CYFIP1: variants seen among roughly 807,000 people sequenced by gnomAD.
CYFIP1 encodes the protein cytoplasmic FMR1 interacting protein 1.
CYFIP1 carries 58 observed loss-of-function variants against 163.5 expected under a neutral mutation model. That is an observed-to-expected ratio of 0.35 (90% confidence interval 0.29 to 0.44). The LOEUF is 0.44. CYFIP1 is among the 20% of genes least tolerant of loss of function. CYFIP1 has a pLI of 1.00. For missense variants in CYFIP1, 1,338 were observed against 1,653.8 expected (o/e 0.81, Z 3.31); for synonymous variants, 663 against 660.7 (o/e 1.00, Z -0.05).
chr15:22,976,162 C>CA (rs2063270000), intron 1 of CYFIP1, among the ~76,000 whole-genome samples: 1 of 144,414 alleles, frequency 6.9e-6, no homozygotes, highest in African/African-American at 2.5e-5. Context: ...ATTTAATTTT[C>CA]TTTTTTTTTT....
At chr15:22,935,959 T>C (rs946348815) in intron 9 of CYFIP1, among the ~76,000 whole-genome samples, 2 of 152,128 alleles carry the variant, frequency 1.3e-5, no homozygotes, top group Non-Finnish European at 2.9e-5. Flanking sequence ...GTAGGCCTCT[T>C]AGGGGAGAAT....
At position 22,867,711 on chromosome 15, in the gene CYFIP1, G is replaced by A. The variant is rs903200802; in HGVS notation, c.*2317C>T. ...AATTTAGCTCATGTTATAATAAAAAGTTGAAATGAAGTTCTTATTCTAAAA... is the reference window on the plus strand; with the variant it reads ...AATTTAGCTCATGTTATAATAAAAAATTGAAATGAAGTTCTTATTCTAAAA... On this transcript the variant is annotated 3_prime_UTR_variant, in exon 31 of 31. Coordinates refer to ENST00000617928, the MANE Select transcript of CYFIP1 (RefSeq NM_014608.6). 1 of 152,250 alleles carries A rather than the reference G, an allele frequency of 6.6e-6. No homozygotes were observed. Among genetic ancestry groups the A allele is most frequent in the African/African-American group, 2.4e-5 (1 of 41,414 alleles). The allele number at this position is 152,250 out of a possible 1,614,324, so 9.4% of individuals were successfully genotyped here.
In CYFIP1 at chr15:22,910,829, G is replaced by A; in HGVS notation, c.2083-16C>T. The stretch of plus-strand genomic sequence containing the variant: ...ATAGATTCACCTGAAGAAAAAGAAA[G>A]CACACGTTACAGTTTGATTCCCTAA... On this transcript the variant is annotated splice_polypyrimidine_tract_variant and intron_variant, in intron 18 of 30. Coordinates refer to ENST00000617928, the MANE Select transcript of CYFIP1 (RefSeq NM_014608.6). 1 of 1,606,514 alleles carries A rather than the reference G, an allele frequency of 6.2e-7. No individual in the cohort carries two copies. Among genetic ancestry groups the A allele is most frequent in the Non-Finnish European group, 8.5e-7 (1 of 1,173,512 alleles).
intron 17 of CYFIP1, among the ~76,000 whole-genome samples, chr15:22,913,943 A>G (rs572135330): frequency 6.6e-6 from 1 of 152,340 alleles, no homozygotes; most frequent in Non-Finnish European, 1.5e-5. Flanking sequence ...CAAGGAACTC[A>G]GGGGCTTCCC....
In CYFIP1 at chr15:22,939,457, G is replaced by A. The variant is rs986875945; in HGVS notation, c.620C>T (p.Ser207Leu). Residue 207 changes from serine (S) to leucine (L), a missense_variant, in exon 7 of 31, where the codon TCG becomes TTG. Around this residue, in one of 4 missense-constraint regions of CYFIP1, gnomAD observed 186 missense variants for 288.3 expected, o/e 0.65. Transcript: ENST00000617928. ...KMADPQSIQESQNLSMFLANH... is the reference protein window; with the variant it reads ...KMADPQSIQELQNLSMFLANH... ...GGCCAGGAACATGGACAGATTCTGC[G>A]ATTCCTGGATGGACTGTGGATCTGC... The A allele has an allele frequency of 1.9e-6, 3 of 1,608,892 alleles. No homozygotes were observed. Among genetic ancestry groups the A allele is most frequent in the African/African-American group, 1.4e-5 (1 of 73,668 alleles).
chr15:22,915,603 G>C (rs2060946964), intron 16 of CYFIP1, among the ~76,000 whole-genome samples: 1 of 152,094 alleles, frequency 6.6e-6, no homozygotes, highest in African/African-American at 2.4e-5. Flanking sequence ...ACAAAAATTA[G>C]CCAGGCGCAG....
chr15:22,894,103 G>A (rs1176805251), intron 22 of CYFIP1, among the ~76,000 whole-genome samples: 1 of 151,958 alleles, frequency 6.6e-6, no homozygotes, highest in East Asian at 1.9e-4. Flanking sequence ...ATCAACCTCT[G>A]TCCACCTCCG....
In CYFIP1 at chr15:22,914,891, G is replaced by C; in HGVS notation, c.1829-9C>G. 6.3e-7 allele frequency: 1 copy of C among 1,598,452 alleles called. No individual in the cohort carries two copies. The highest frequency in any genetic ancestry group is 8.5e-7 in the Non-Finnish European group (1 of 1,173,924). On this transcript the variant is annotated splice_polypyrimidine_tract_variant and intron_variant, in intron 16 of 30. Coordinates refer to ENST00000617928, the MANE Select transcript of CYFIP1 (RefSeq NM_014608.6). ...GCACTGCTGCAGCGTTTCTGGGAGGGTTCAAACAACTCCATGTTATCTCCC... is the reference window on the plus strand; with the variant it reads ...GCACTGCTGCAGCGTTTCTGGGAGGCTTCAAACAACTCCATGTTATCTCCC...
At chr15:22,909,615 A>G (rs778730840) in intron 20 of CYFIP1, among the ~76,000 whole-genome samples, 2 of 152,184 alleles carry the variant, frequency 1.3e-5, no homozygotes, top group Non-Finnish European at 2.9e-5. Context: ...AAAAATGTGC[A>G]TGATGATTAT....
chr15:22,960,729 C>T (rs2062648633), intron 1 of CYFIP1, among the ~76,000 whole-genome samples: 1 of 152,242 alleles, frequency 6.6e-6, no homozygotes, highest in African/African-American at 2.4e-5. Context: ...CCGCCCTCCT[C>T]CTGCTTAGGC....
In CYFIP1 at chr15:22,964,403, AC is replaced by A. The variant is rs2062828686; in HGVS notation, c.-7+15883del. ...CACACACACACACACACACACACAC[AC>A]ACACCCGGCAGCCCTGCCAGCAGAC... is the stretch of plus-strand genomic sequence containing the variant. On this transcript the variant is annotated intron_variant, in intron 1 of 30. Transcript: ENST00000617928. 1.3e-4 allele frequency among the ~76,000 whole-genome samples: 18 copies of A among 137,296 alleles called. No individual in the cohort carries two copies. The South Asian group carries it at 4.4e-3, about 34-fold the overall frequency. The allele number at this position is 137,296 out of a possible 152,430, so 90.1% of individuals were successfully genotyped here.
chr15:22,922,144 C>T (rs1468462503), intron 13 of CYFIP1, among the ~76,000 whole-genome samples: 1 of 152,142 alleles, frequency 6.6e-6, no homozygotes, highest in Non-Finnish European at 1.5e-5. Context: ...CAGCTCTGAA[C>T]CTTGGGAGTG....
intron 17 of CYFIP1, 90 bp downstream of exon 17, chr15:22,914,636 C>A: frequency 1.5e-6 from 2 of 1,358,752 alleles, no homozygotes; most frequent in Non-Finnish European, 2.0e-6. Flanking sequence ...AAATACAATA[C>A]TAAAAACAGT....
chr15:22,967,999 G>C (rs931712583), intron 1 of CYFIP1, among the ~76,000 whole-genome samples: 2 of 152,084 alleles, frequency 1.3e-5, no homozygotes, highest in Non-Finnish European at 2.9e-5. Context: ...AGCCAGGCGT[G>C]GTGGCACACG....
Position 22,868,748 on chromosome 15 carries a change from G to A in CYFIP1, c.*1280C>T, listed in dbSNP as rs554460060. 17 of 152,302 alleles carry A rather than the reference G, an allele frequency of 1.1e-4. No homozygotes were observed. Among genetic ancestry groups the A allele is most frequent in the African/African-American group, 2.9e-4 (12 of 41,558 alleles). 9.4% of individuals were successfully genotyped at this position (152,302 alleles called of 1,614,324 possible). ...TCCAAAGGCCTCCGGAAAAGTAGGC[G>A]AGGCCTGCTTTTTATGGCAACTTGG... On this transcript the variant is annotated 3_prime_UTR_variant, in exon 31 of 31. Transcript: ENST00000617928.
intron 1 of CYFIP1, among the ~76,000 whole-genome samples, chr15:22,965,857 G>T (rs975622314): frequency 6.6e-6 from 1 of 152,302 alleles, no homozygotes. Flanking sequence ...GCTTGGCCCA[G>T]GGGATCAAAG....
chr15:22,943,416 C>T (rs962660205), intron 5 of CYFIP1, 62 bp from the exon 6 acceptor site: 3 of 1,533,356 alleles, frequency 2.0e-6, no homozygotes, highest in African/African-American at 1.4e-5. Context: ...GCCCATGTCC[C>T]TCCTTCAAGC....
At chr15:22,880,576 T>C (rs1258391243) in intron 25 of CYFIP1, among the ~76,000 whole-genome samples, 1 of 152,130 alleles carries the variant, frequency 6.6e-6, no homozygotes, top group Non-Finnish European at 1.5e-5. Flanking sequence ...GGTGCAAATA[T>C]GGGACAGAAG....
chr15:22,980,164 G>C (rs1254531377), intron 1 of CYFIP1, 123 bp downstream of exon 1: 2 of 139,834 alleles, frequency 1.4e-5, no homozygotes, highest in Admixed American at 7.1e-5. Context: ...CCGCGCCGCC[G>C]GGGTTGGGGG....
Sources: allele counts gnomAD v4.1 joint callset (sites outside exome capture counted in the v4.1 genomes callset), GRCh38; gene constraint gnomAD v4.1.1; regional missense constraint gnomAD v4.1.1; transcripts MANE v1.5; gene names NCBI Gene and HGNC (gene_info 2026-07-23, HGNC 2026-07-21).